NAALADL2: variants seen among roughly 807,000 people sequenced by gnomAD.
NAALADL2 encodes N-acetylated alpha-linked acidic dipeptidase like 2.
A neutral mutation model predicts 87.2 loss-of-function variants in NAALADL2; 76 were observed. The ratio of observed to expected loss-of-function variants is 0.87; its 90% CI spans 0.72 to 1.05. The LOEUF (loss-of-function observed/expected upper bound fraction) is 1.05. Among genes scored for constraint, NAALADL2 ranks in the 50% least tolerant of loss-of-function variants. The probability of loss-of-function intolerance (pLI) is 0.00; values close to 1 mark genes in which losing one functional copy is unlikely to be tolerated. For synonymous variants in NAALADL2, 354 were observed against 331.0 expected (o/e 1.07, Z -0.75); for missense variants, 1,089 against 945.8 (o/e 1.15, Z -1.99).
intron 1 of NAALADL2, among the ~76,000 whole-genome samples, chr3:174,910,041 C>T (rs1185115789): frequency 6.6e-6 from 1 of 151,998 alleles, no homozygotes; most frequent in Admixed American, 6.6e-5. Context: ...ATGCTTTCTG[C>T]AATACTGTAG....
At chr3:174,992,193 A>G (rs1746837351) in intron 1 of NAALADL2, among the ~76,000 whole-genome samples, 1 of 152,084 alleles carries the variant, frequency 6.6e-6, no homozygotes, top group African/African-American at 2.4e-5. Flanking sequence ...TATTGTTTCT[A>G]TATTTAGTAC....
chr3:174,467,591 T>C (rs1429701143), intron 1 of NAALADL2, among the ~76,000 whole-genome samples: 5 of 87,872 alleles, frequency 5.7e-5, no homozygotes, highest in African/African-American at 2.0e-4. Flanking sequence ...AGACTCCATC[T>C]CAGTTAAAAA....
intron 11 of NAALADL2, among the ~76,000 whole-genome samples, chr3:175,650,929 A>G (rs1730676763): frequency 6.6e-6 from 1 of 152,156 alleles, no homozygotes; most frequent in African/African-American, 2.4e-5. Flanking sequence ...TCCATGCTGA[A>G]TGATATTATC....
intron 1 of NAALADL2, among the ~76,000 whole-genome samples, chr3:175,085,096 T>G (rs1044951117): frequency 1.3e-5 from 2 of 152,170 alleles, no homozygotes; most frequent in Non-Finnish European, 2.9e-5. Context: ...TTTATTTTGG[T>G]GGAATTCCCA....
chr3:175,402,045 A>G (rs79766292), intron 5 of NAALADL2, among the ~76,000 whole-genome samples: 2 of 152,060 alleles, frequency 1.3e-5, no homozygotes, highest in Non-Finnish European at 2.9e-5. Context: ...CTCTCTAGAC[A>G]CTTATAATCA....
chr3:175,491,658 G>A (rs892187326), intron 9 of NAALADL2, among the ~76,000 whole-genome samples: 1 of 152,126 alleles, frequency 6.6e-6, no homozygotes, highest in African/African-American at 2.4e-5. Context: ...ACACTGAAAT[G>A]TACTACACTA....
chr3:175,605,288 G>A (rs73171417), intron 10 of NAALADL2, among the ~76,000 whole-genome samples: 1,615 of 152,110 alleles, frequency 0.011, 20 homozygotes, highest in Non-Finnish European at 0.016. Context: ...AAAGTCTGTG[G>A]CAATGATTTT....
chr3:174,588,314 C>T (rs991105764), intron 2 of NAALADL2, among the ~76,000 whole-genome samples: 4 of 152,104 alleles, frequency 2.6e-5, no homozygotes, highest in African/African-American at 9.7e-5. Context: ...TGGGTTCGAA[C>T]ATCCTCCTTT....
At position 174,624,602 on chromosome 3, in the gene NAALADL2, C is replaced by T. The variant is rs140829137; in HGVS notation, c.-115+73965C>T. Among the ~76,000 whole-genome samples, 795 of 143,592 alleles carry T rather than the reference C, an allele frequency of 5.5e-3. 7 individuals are homozygous for T. The highest frequency in any genetic ancestry group is 0.02 in the African/African-American group (746 of 38,042). The allele number at this position is 143,592 out of a possible 152,430, so 94.2% of individuals were successfully genotyped here. On this transcript the variant is annotated intron_variant, in intron 2 of 3. Coordinates refer to the NAALADL2 transcript ENST00000434257. ...TCACACCACTGCACTCCAGCCTGGGCGACAGAGCGAGACTCCATCTCAAAA... is the reference window on the plus strand; with the variant it reads ...TCACACCACTGCACTCCAGCCTGGGTGACAGAGCGAGACTCCATCTCAAAA...
At chr3:175,510,012 C>A (rs1305182797) in intron 9 of NAALADL2, among the ~76,000 whole-genome samples, 10 of 151,860 alleles carry the variant, frequency 6.6e-5, no homozygotes, top group African/African-American at 2.4e-4. Flanking sequence ...TCCCCCCACC[C>A]CACAACAGTC....
chr3:174,649,509 C>T (rs1197375247), intron 2 of NAALADL2, among the ~76,000 whole-genome samples: 2 of 152,074 alleles, frequency 1.3e-5, no homozygotes, highest in Non-Finnish European at 2.9e-5. Context: ...TTTCAATACT[C>T]TTCCTCTAGC....
At chr3:175,275,054 C>T (rs1057196468) in intron 4 of NAALADL2, among the ~76,000 whole-genome samples, 2 of 152,238 alleles carry the variant, frequency 1.3e-5, no homozygotes, top group African/African-American at 4.8e-5. Context: ...CTTCAGTGCT[C>T]AGGTACTTTT....
At chr3:174,650,328 A>G (rs1724226644) in intron 2 of NAALADL2, among the ~76,000 whole-genome samples, 1 of 152,152 alleles carries the variant, frequency 6.6e-6, no homozygotes, top group Non-Finnish European at 1.5e-5. Context: ...TCAAATAAGT[A>G]GGCAAAACAC....
intron 5 of NAALADL2, among the ~76,000 whole-genome samples, chr3:175,386,380 G>A (rs1449851078): frequency 6.6e-6 from 1 of 151,862 alleles, no homozygotes; most frequent in African/African-American, 2.4e-5. Flanking sequence ...CCTGACCTCT[G>A]TGTCCTCTAT....
intron 1 of NAALADL2, among the ~76,000 whole-genome samples, chr3:174,866,384 A>G (rs1727147528): frequency 6.6e-6 from 1 of 151,872 alleles, no homozygotes; most frequent in Non-Finnish European, 1.5e-5. Context: ...ACATTTCTGC[A>G]GAAAAAATTT....
chr3:174,822,155 CACAA>C (rs1038889721), intron 3 of NAALADL2, among the ~76,000 whole-genome samples: 1 of 108,010 alleles, frequency 9.3e-6, no homozygotes, highest in Non-Finnish European at 1.8e-5. Flanking sequence ...TTCTCAGTGA[CACAA>C]ACACACACAC....
chr3:175,077,601 C>T (rs985897202), intron 1 of NAALADL2, among the ~76,000 whole-genome samples: 1 of 151,812 alleles, frequency 6.6e-6, no homozygotes, highest in Non-Finnish European at 1.5e-5. Flanking sequence ...ATATATTTAC[C>T]ATTCCATTAG....
intron 2 of NAALADL2, among the ~76,000 whole-genome samples, chr3:175,128,161 A>G (rs563719021): frequency 4.6e-5 from 7 of 152,292 alleles, no homozygotes; most frequent in African/African-American, 1.7e-4. Flanking sequence ...TGGAAGGCAA[A>G]ATATAAATAC....
intron 3 of NAALADL2, among the ~76,000 whole-genome samples, chr3:174,780,916 C>T (rs542624724): frequency 3.9e-5 from 6 of 152,026 alleles, no homozygotes; most frequent in African/African-American, 1.2e-4. Context: ...GTGGCTGGTA[C>T]CGGTTTTTCC....
Sources: gnomAD v4.1 joint callset for allele counts (sites outside exome capture counted in the v4.1 genomes callset) on GRCh38, gnomAD v4.1.1 for gene constraint, MANE v1.5 for transcripts, NCBI Gene and HGNC (gene_info 2026-07-23, HGNC 2026-07-21) for gene names.